The following ARHGEF3 variants were observed in gnomAD, a reference collection of about 807,000 sequenced individuals.
The protein encoded by ARHGEF3 is 59.8 kDA protein.
A neutral mutation model predicts 63.2 loss-of-function variants in ARHGEF3; 28 were observed. The observed-to-expected ratio is 0.44, with a 90% CI of 0.33 to 0.61. The LOEUF (loss-of-function observed/expected upper bound fraction) is 0.61. Ranked by LOEUF, ARHGEF3 falls within the 20% of genes least tolerant of loss-of-function variation. ARHGEF3 has a pLI of 0.03. For missense variants in ARHGEF3, 533 were observed against 659.3 expected, an observed-to-expected ratio of 0.81 and a Z score of 2.10; for synonymous variants, 266 against 254.2, an observed-to-expected ratio of 1.05 and a Z score of -0.44.
chr3:56,972,128 C>T (rs1034752390), intron 2 of ARHGEF3, among the ~76,000 whole-genome samples: 2 of 152,056 alleles, frequency 1.3e-5, no homozygotes, highest in Non-Finnish European at 2.9e-5. Flanking sequence ...CTTCTAGAAC[C>T]AATTCAGGCC....
At chr3:57,054,714 C>T (rs1314650694) in intron 1 of ARHGEF3, among the ~76,000 whole-genome samples, 1 of 149,192 alleles carries the variant, frequency 6.7e-6, no homozygotes, top group Admixed American at 6.7e-5. Flanking sequence ...TGCAGTGGCG[C>T]AATCTCAGCT....
intron 2 of ARHGEF3, among the ~76,000 whole-genome samples, chr3:56,968,051 T>TAA: frequency 2.7e-4 from 1 of 3,648 alleles, no homozygotes; most frequent in African/African-American, 1.0e-3. Flanking sequence ...AAAATATATA[T>TAA]AATATATATA....
chr3:56,848,386 A>G (rs1168759570), intron 4 of ARHGEF3, among the ~76,000 whole-genome samples: 1 of 152,174 alleles, frequency 6.6e-6, no homozygotes, highest in East Asian at 1.9e-4. Context: ...AGCTTTGGGC[A>G]ATTCACTTAA....
At chr3:56,753,790 T>A (rs530425539) in intron 3 of ARHGEF3, among the ~76,000 whole-genome samples, 1 of 152,344 alleles carries the variant, frequency 6.6e-6, no homozygotes, top group African/African-American at 2.4e-5. Flanking sequence ...TTTCTACACA[T>A]TTCTAGTCCA....
At chr3:56,809,863 G>T (rs2038001219) in intron 4 of ARHGEF3, among the ~76,000 whole-genome samples, 2 of 151,982 alleles carry the variant, frequency 1.3e-5, no homozygotes, top group South Asian at 4.2e-4. Flanking sequence ...CTCCTGAGTA[G>T]CTGGGATTAC....
intron 4 of ARHGEF3, among the ~76,000 whole-genome samples, chr3:56,820,030 A>C (rs1228971206): frequency 2.0e-5 from 3 of 152,104 alleles, no homozygotes; most frequent in Non-Finnish European, 4.4e-5. Flanking sequence ...GGTTGGTCTC[A>C]AACTCCTGGG....
At chr3:56,802,669 C>G (rs1451042378), upstream of ARHGEF3, among the ~76,000 whole-genome samples, 1 of 152,190 alleles carries the variant, frequency 6.6e-6, no homozygotes, top group Non-Finnish European at 1.5e-5. Flanking sequence ...CGAGGGCAAT[C>G]TGACAGAGTG....
chr3:56,778,976 T>TG (rs1329945228), intron 1 of ARHGEF3, among the ~76,000 whole-genome samples: 1 of 152,170 alleles, frequency 6.6e-6, no homozygotes, highest in Non-Finnish European at 1.5e-5. Flanking sequence ...AGTCATGTCC[T>TG]GGTCAGTGGT....
intron 3 of ARHGEF3, chr3:56,938,554 A>G (rs1298989888): frequency 1.3e-5 from 2 of 152,232 alleles, no homozygotes; most frequent in African/African-American, 4.8e-5. Flanking sequence ...GTTACACTAA[A>G]TATGCATGAG....
chr3:56,827,475 C>T (rs939309624), intron 4 of ARHGEF3, among the ~76,000 whole-genome samples: 3 of 152,268 alleles, frequency 2.0e-5, no homozygotes, highest in African/African-American at 7.2e-5. Flanking sequence ...CCTGCTTAAA[C>T]CTCATGTGTA....
At chr3:57,042,663 TATATATATATATATATATATATA>T (rs1560155807) in intron 1 of ARHGEF3, among the ~76,000 whole-genome samples, 269 of 5,414 alleles carry the variant, frequency 0.05, 10 homozygotes, top group East Asian at 0.16. Flanking sequence ...TATATATATA[TATATATATATATATATATATATA>T]TATATATATA....
chr3:56,882,508 CTTTTTTTTTTTTT>C (rs397989726), intron 3 of ARHGEF3, among the ~76,000 whole-genome samples: 1 of 84,352 alleles, frequency 1.2e-5, no homozygotes, highest in South Asian at 4.0e-4. Context: ...ATGAACACTT[CTTTTTTTTTTTTT>C]TTTTTTTTTT....
intron 1 of ARHGEF3, among the ~76,000 whole-genome samples, chr3:57,044,512 T>C (rs933687135): frequency 6.6e-6 from 1 of 152,214 alleles, no homozygotes; most frequent in Non-Finnish European, 1.5e-5. Flanking sequence ...AATGACAGCA[T>C]CGTACTTGCT....
intron 3 of ARHGEF3, among the ~76,000 whole-genome samples, chr3:56,930,929 T>C (rs1038708105): frequency 6.6e-6 from 1 of 152,158 alleles, no homozygotes; most frequent in Non-Finnish European, 1.5e-5. Flanking sequence ...AGGACAAGTA[T>C]TTTAGTGGCA....
At chr3:56,945,293 C>G (rs997263961) in intron 3 of ARHGEF3, among the ~76,000 whole-genome samples, 1 of 151,968 alleles carries the variant, frequency 6.6e-6, no homozygotes, top group African/African-American at 2.4e-5. Flanking sequence ...TGCAGTTCAC[C>G]GAGCGTGAGC....
intron 2 of ARHGEF3, among the ~76,000 whole-genome samples, chr3:56,983,660 G>A (rs551678175): frequency 3.3e-5 from 5 of 152,274 alleles, no homozygotes; most frequent in South Asian, 2.1e-4. Context: ...ACTATCAGCC[G>A]GAAGCAGTGG....
intron 3 of ARHGEF3, among the ~76,000 whole-genome samples, chr3:56,886,346 T>C (rs7620766): frequency 0.34 from 51,924 of 151,980 alleles, 9,314 homozygotes; most frequent in Non-Finnish European, 0.4. Context: ...CCTTTGCTTG[T>C]CTTCTTCACT....
chr3:56,949,911 T>C (rs975687595), intron 3 of ARHGEF3, among the ~76,000 whole-genome samples: 20 of 152,130 alleles, frequency 1.3e-4, no homozygotes, highest in Middle Eastern at 3.4e-3. Flanking sequence ...CAAAACAGCA[T>C]GGTACTGGTA....
intron 7 of ARHGEF3, among the ~76,000 whole-genome samples, chr3:56,741,749 C>T (rs1001620823): frequency 2.0e-5 from 3 of 148,406 alleles, no homozygotes; most frequent in South Asian, 2.2e-4. Context: ...TTGATCTGCC[C>T]GCCTTGGCCT....
Sources: gnomAD v4.1 joint callset for allele counts (sites outside exome capture counted in the v4.1 genomes callset) on GRCh38, gnomAD v4.1.1 for gene constraint, MANE v1.5 for transcripts, NCBI Gene and HGNC (gene_info 2026-07-23, HGNC 2026-07-21) for gene names.